Variants in FBLN2 observed in about 807,000 individuals in gnomAD.
The protein encoded by FBLN2 is fibulin 2, also known as fibulin-2.
In FBLN2, 81 loss-of-function variants were observed where a neutral mutation model predicts 123.7. The ratio of observed to expected loss-of-function variants is 0.65; its 90% confidence interval spans 0.55 to 0.79. FBLN2 has a LOEUF of 0.79. Ranked by LOEUF, FBLN2 falls within the 30% of genes least tolerant of loss-of-function variation. FBLN2 has a pLI of 0.00. For synonymous variants in FBLN2, 699 were observed against 701.4 expected (o/e 1.00, Z 0.05); for missense variants, 1,603 against 1,681.3 (o/e 0.95, Z 0.81).
intron 1 of FBLN2, among the ~76,000 whole-genome samples, chr3:13,556,559 G>A (rs935199782): frequency 6.6e-6 from 1 of 152,198 alleles, no homozygotes; most frequent in Non-Finnish European, 1.5e-5. Context: ...GTAACAGACT[G>A]GTTTAATGAA....
At chr3:13,560,301 A>T (rs1307533964) in intron 1 of FBLN2, among the ~76,000 whole-genome samples, 1 of 151,972 alleles carries the variant, frequency 6.6e-6, no homozygotes, top group African/African-American at 2.4e-5. Flanking sequence ...CACTTGAAAG[A>T]TTATTTTTCC....
At chr3:13,551,989 C>T (rs909100260) in intron 1 of FBLN2, among the ~76,000 whole-genome samples, 13 of 151,996 alleles carry the variant, frequency 8.6e-5, no homozygotes, top group Non-Finnish European at 1.2e-4. Flanking sequence ...GGACTACAGA[C>T]GCACACCAGC....
At chr3:13,581,477 C>T (rs1704325719) in intron 2 of FBLN2, among the ~76,000 whole-genome samples, 1 of 152,086 alleles carries the variant, frequency 6.6e-6, no homozygotes, top group Admixed American at 6.5e-5. Context: ...AGTTAGGTGG[C>T]CAATCAGACG....
chr3:13,613,941 C>T (rs988308577), intron 4 of FBLN2, 43 bp from the exon 5 acceptor site: 12 of 1,588,460 alleles, frequency 7.6e-6, no homozygotes, highest in African/African-American at 1.3e-5. Flanking sequence ...TAGCTCCAGG[C>T]TGGGGCCAGA....
intron 13 of FBLN2, 144 bp downstream of exon 13, chr3:13,629,436 C>G: frequency 1.7e-6 from 2 of 1,162,764 alleles, no homozygotes; most frequent in Non-Finnish European, 2.4e-6. Context: ...TCCAGCTGGC[C>G]TCATCCTCCT....
chr3:13,608,381 C>T (rs2124879272), intron 3 of FBLN2, among the ~76,000 whole-genome samples: 1 of 152,362 alleles, frequency 6.6e-6, no homozygotes, highest in South Asian at 2.1e-4. Context: ...TAGGAACAAA[C>T]CAGCCACATA....
At chr3:13,621,002 G>A (rs561019383) in intron 8 of FBLN2, among the ~76,000 whole-genome samples, 4 of 152,348 alleles carry the variant, frequency 2.6e-5, no homozygotes, top group Admixed American at 6.5e-5. Flanking sequence ...ATCTCCCAGG[G>A]CCCTGAAGAT....
At chr3:13,636,307 A>G (rs1191149089) in intron 16 of FBLN2, 138 bp from the exon 17 acceptor site, 2 of 984,120 alleles carry the variant, frequency 2.0e-6, no homozygotes, top group Non-Finnish European at 2.9e-6. Flanking sequence ...GAGATGGGGC[A>G]TGTGTGTGCA....
intron 16 of FBLN2, among the ~76,000 whole-genome samples, chr3:13,635,984 C>A (rs1441776041): frequency 6.6e-6 from 1 of 152,064 alleles, no homozygotes; most frequent in Non-Finnish European, 1.5e-5. Context: ...GAGGGGGTGA[C>A]TCAAGATCTG....
At position 13,551,299 on chromosome 3, in the gene FBLN2, G is replaced by A. The variant is rs745746608; in HGVS notation, c.-42+2091G>A. Among the ~76,000 whole-genome samples the A allele has an allele frequency of 4.3e-4, 65 of 152,224 alleles. 2 individuals carry two copies. Among genetic ancestry groups the A allele is most frequent in the Non-Finnish European group, 8.5e-4 (58 of 68,044 alleles). On this transcript the variant is annotated intron_variant, in intron 1 of 17. Coordinates refer to ENST00000404922, the MANE Select transcript of FBLN2 (RefSeq NM_001004019.2). ...GGTGCCCAGGGCCCTGGGCCACAGG[G>A]CATCTTTGTGATGGTGGCAGACACT...
Position 13,608,161 on chromosome 3 carries a change from ACAACGTCTG to A in FBLN2, c.1409_1417del (p.Asn470_Cys472del), listed in dbSNP as rs1705269576. On this transcript the variant is annotated inframe_deletion, in exon 3 of 18. Coordinates refer to ENST00000404922, the MANE Select transcript of FBLN2 (RefSeq NM_001004019.2). The stretch of plus-strand genomic sequence containing the variant: ...GAGATCCCTGAGAGTGGCACTGAGG[ACAACGTCTG>A]CAGGTAGGGTGGGCTCCCTGGAGCA... 5 of 1,587,372 alleles carry A rather than the reference ACAACGTCTG, an allele frequency of 3.1e-6. No homozygotes were observed. The highest frequency in any genetic ancestry group is 3.4e-6 in the Non-Finnish European group (4 of 1,166,782).
intron 1 of FBLN2, among the ~76,000 whole-genome samples, chr3:13,562,036 C>T (rs1047182768): frequency 3.3e-5 from 5 of 152,232 alleles, no homozygotes; most frequent in African/African-American, 9.7e-5. Flanking sequence ...GATAGTTAGA[C>T]ACGAACTTGA....
At chr3:13,571,875 T>C (rs1336701247) in intron 2 of FBLN2, among the ~76,000 whole-genome samples, 1 of 150,938 alleles carries the variant, frequency 6.6e-6, no homozygotes, top group Non-Finnish European at 1.5e-5. Context: ...TGGGTGGGAG[T>C]GGGGTTCCTG....
At chr3:13,558,880 G>A (rs1210572800) in intron 1 of FBLN2, among the ~76,000 whole-genome samples, 1 of 149,360 alleles carries the variant, frequency 6.7e-6, no homozygotes, top group African/African-American at 2.5e-5. Context: ...GCATGGGGTG[G>A]GATTTGGGTG....
At position 13,571,259 on chromosome 3, in the gene FBLN2, AGGGG is replaced by A. The variant is rs1473307016; in HGVS notation, c.906_909del (p.Arg302SerfsTer54). 2.5e-6 allele frequency: 4 copies of A among 1,568,674 alleles called. No homozygotes were observed. Among genetic ancestry groups the A allele is most frequent in the Non-Finnish European group, 3.5e-6 (4 of 1,157,452 alleles). On this transcript the variant is annotated frameshift_variant, in exon 2 of 18. Transcript: ENST00000404922. LOFTEE classifies it high-confidence loss of function. ...TGAGCAGCTGGCAGCAGGTGGCCAC[AGGGG>A]GCTGGATGGGCTGCCCACTACAGCC...
chr3:13,610,171 A>G (rs1473157587), intron 4 of FBLN2, among the ~76,000 whole-genome samples: 1 of 152,202 alleles, frequency 6.6e-6, no homozygotes, highest in Non-Finnish European at 1.5e-5. Context: ...AGTGCAGCAC[A>G]TGCAAAGGCC....
At chr3:13,564,455 C>T (rs1703687390) in intron 1 of FBLN2, among the ~76,000 whole-genome samples, 1 of 152,210 alleles carries the variant, frequency 6.6e-6, no homozygotes, top group South Asian at 2.1e-4. Flanking sequence ...TTCTTATCTA[C>T]AGTTGCCTCA....
At chr3:13,568,553 AC>A (rs1703818133) in intron 1 of FBLN2, among the ~76,000 whole-genome samples, 1 of 152,156 alleles carries the variant, frequency 6.6e-6, no homozygotes, top group African/African-American at 2.4e-5. Context: ...CTCTGCAGTT[AC>A]CACCCGTGTG....
intron 8 of FBLN2, 21 bp from the exon 9 acceptor site, chr3:13,621,754 T>A (rs377600202): frequency 5.9e-5 from 96 of 1,613,576 alleles, no homozygotes; most frequent in East Asian, 4.7e-4. Flanking sequence ...CTTCTGTTTT[T>A]CCTCCTGCGG....
Sources: allele counts gnomAD v4.1 joint callset (sites outside exome capture counted in the v4.1 genomes callset), GRCh38; gene constraint gnomAD v4.1.1; transcripts MANE v1.5; gene names NCBI Gene and HGNC (gene_info 2026-07-23, HGNC 2026-07-21).